The following CDH18 variants were observed in gnomAD, a reference collection of about 807,000 sequenced individuals.
CDH18 encodes the protein cadherin 18, also known as cadherin-18.
Under a neutral mutation model 67.9 loss-of-function variants are expected in CDH18, and 31 were observed. The ratio of observed to expected loss-of-function variants is 0.46; its 90% CI spans 0.34 to 0.62. CDH18 has a LOEUF of 0.62. CDH18 is among the 20% of genes least tolerant of loss of function. The probability of loss-of-function intolerance (pLI) is 0.01; values close to 1 mark genes in which losing one functional copy is unlikely to be tolerated. For synonymous variants in CDH18, 362 were observed against 347.2 expected (o/e 1.04, Z -0.48); for missense variants, 890 against 975.5 (o/e 0.91, Z 1.17).
rs532464670 is a variant in CDH18, at chr5:20,341,217, T to C, written c.-579-85712A>G. On this transcript the variant is annotated intron_variant, in intron 1 of 14. Transcript: ENST00000507958. ...GGGTGTTGCCAATGTTGATTAACATTTGAGTCAGTGGACTGGGGAAGGCAG... is the reference window on the plus strand; with the variant it reads ...GGGTGTTGCCAATGTTGATTAACATCTGAGTCAGTGGACTGGGGAAGGCAG... Among the ~76,000 whole-genome samples the C allele has an allele frequency of 1.6e-4, 24 of 152,242 alleles. No individual in the cohort carries two copies. In the South Asian group the frequency reaches 4.0e-3, roughly 25 times the overall value.
intron 5 of CDH18, among the ~76,000 whole-genome samples, chr5:19,644,924 G>A (rs1319069303): frequency 6.6e-6 from 1 of 152,188 alleles, no homozygotes; most frequent in Non-Finnish European, 1.5e-5. Context: ...TGCATTCCCT[G>A]AAAAGAGAAT....
intron 8 of CDH18, among the ~76,000 whole-genome samples, chr5:19,570,839 T>C (rs781457466): frequency 1.2e-4 from 19 of 152,182 alleles, no homozygotes; most frequent in South Asian, 4.1e-4. Flanking sequence ...TTAAGTCCTT[T>C]AATCTAACTA....
chr5:19,748,061 C>G (rs1399457758), intron 3 of CDH18, among the ~76,000 whole-genome samples: 5 of 128,342 alleles, frequency 3.9e-5, no homozygotes, highest in African/African-American at 8.9e-5. Flanking sequence ...TGCAGTGAGC[C>G]GAGATCGCGC....
At chr5:19,882,881 T>C (rs1444713468) in intron 2 of CDH18, among the ~76,000 whole-genome samples, 1 of 152,200 alleles carries the variant, frequency 6.6e-6, no homozygotes, top group Non-Finnish European at 1.5e-5. Flanking sequence ...CTGTAAGTTA[T>C]CAGGTATCAA....
chr5:20,167,355 T>C (rs1261682019), intron 2 of CDH18, among the ~76,000 whole-genome samples: 1 of 152,070 alleles, frequency 6.6e-6, no homozygotes, highest in East Asian at 1.9e-4. Context: ...CTTTTTAAGA[T>C]CGGGATTTTG....
intron 1 of CDH18, among the ~76,000 whole-genome samples, chr5:20,490,240 A>G (rs1753506849): frequency 6.6e-6 from 1 of 152,096 alleles, no homozygotes; most frequent in Non-Finnish European, 1.5e-5. Context: ...ATTTATGGCA[A>G]ACATTATAGT....
chr5:20,320,328 G>A (rs147811661), intron 1 of CDH18, among the ~76,000 whole-genome samples: 4 of 152,196 alleles, frequency 2.6e-5, no homozygotes, highest in Non-Finnish European at 4.4e-5. Flanking sequence ...CAGACAAAGA[G>A]TAAGACCATT....
chr5:20,468,391 G>A (rs529529669), intron 1 of CDH18, among the ~76,000 whole-genome samples: 2 of 152,250 alleles, frequency 1.3e-5, no homozygotes, highest in South Asian at 4.1e-4. Context: ...GCTGGCATCT[G>A]CCGGCATCTC....
chr5:20,558,701 T>A (rs900867487), intron 1 of CDH18, among the ~76,000 whole-genome samples: 1 of 152,110 alleles, frequency 6.6e-6, no homozygotes, highest in Admixed American at 6.6e-5. Context: ...AGCACATTTT[T>A]ATTTTGTTTG....
intron 2 of CDH18, among the ~76,000 whole-genome samples, chr5:20,239,991 A>C (rs1742770993): frequency 6.6e-6 from 1 of 152,114 alleles, no homozygotes; most frequent in African/African-American, 2.4e-5. Context: ...GGCATAATAG[A>C]AAAATATGTA....
At chr5:19,772,368 G>C (rs1208285015) in intron 3 of CDH18, among the ~76,000 whole-genome samples, 1 of 152,096 alleles carries the variant, frequency 6.6e-6, no homozygotes, top group Non-Finnish European at 1.5e-5. Flanking sequence ...GAAAAGGGGA[G>C]GCAGGAGAGC....
At position 20,321,551 on chromosome 5, in the gene CDH18, T is replaced by TA. The variant is rs553925502; in HGVS notation, c.-579-66047dup. On this transcript the variant is annotated intron_variant, in intron 1 of 14. Transcript: ENST00000507958. ...TTTTTTTAAAAGCTTTATTCTTGTA[T>TA]AAAAAAAGTGCTATACTCTTTTCTA... Among the ~76,000 whole-genome samples, 51 of 152,236 alleles carry TA rather than the reference T, an allele frequency of 3.4e-4. No individual in the cohort carries two copies. The South Asian group carries it at 9.3e-3, about 28-fold the overall frequency.
At chr5:19,993,836 G>T (rs1329680135) in intron 2 of CDH18, among the ~76,000 whole-genome samples, 1 of 151,876 alleles carries the variant, frequency 6.6e-6, no homozygotes, top group African/African-American at 2.4e-5. Context: ...TAATGTTATG[G>T]CCATTTTACT....
At chr5:19,755,427 G>GTGTGTATATATATA (rs1554024291) in intron 3 of CDH18, among the ~76,000 whole-genome samples, 1 of 44,660 alleles carries the variant, frequency 2.2e-5, no homozygotes, top group African/African-American at 6.4e-5. Flanking sequence ...AACTAACAGG[G>GTGTGTATATATATA]TATGTATATA....
At chr5:19,590,194 G>T (rs1744861434) in intron 7 of CDH18, among the ~76,000 whole-genome samples, 1 of 151,952 alleles carries the variant, frequency 6.6e-6, no homozygotes, top group South Asian at 2.1e-4. Flanking sequence ...TATGCAAATT[G>T]TCTCTTTTCA....
At chr5:19,916,079 T>A (rs1344997995) in intron 2 of CDH18, among the ~76,000 whole-genome samples, 6 of 152,144 alleles carry the variant, frequency 3.9e-5, no homozygotes, top group Admixed American at 3.9e-4. Context: ...AACTGACCTT[T>A]CTGCTTTCAC....
At chr5:19,874,384 T>G (rs553276900) in intron 2 of CDH18, among the ~76,000 whole-genome samples, 1 of 152,322 alleles carries the variant, frequency 6.6e-6, no homozygotes, top group African/African-American at 2.4e-5. Context: ...TTCTAAGGTC[T>G]TTAATAATAT....
chr5:19,956,966 T>C (rs1408493578), intron 2 of CDH18, among the ~76,000 whole-genome samples: 2 of 151,932 alleles, frequency 1.3e-5, no homozygotes, highest in African/African-American at 2.4e-5. Flanking sequence ...AAACTTTATG[T>C]CTCTATATAG....
At chr5:20,106,416 T>C (rs925734542) in intron 2 of CDH18, among the ~76,000 whole-genome samples, 10 of 152,232 alleles carry the variant, frequency 6.6e-5, no homozygotes. Context: ...ACATTTACCA[T>C]CTGTTTTCTG....
Sources: allele counts gnomAD v4.1 joint callset (sites outside exome capture counted in the v4.1 genomes callset), GRCh38; gene constraint gnomAD v4.1.1; transcripts MANE v1.5; gene names NCBI Gene and HGNC (gene_info 2026-07-23, HGNC 2026-07-21).